Variants in TLL1 observed in about 807,000 individuals in gnomAD.
TLL1 encodes the protein tolloid-like protein 1.
In TLL1, 49 loss-of-function variants were observed where a neutral mutation model predicts 128.2. The observed-to-expected ratio is 0.38, with a 90% CI of 0.30 to 0.48. TLL1 has a LOEUF of 0.48. Among genes scored for constraint, TLL1 ranks in the 20% least tolerant of loss-of-function variants. The probability of loss-of-function intolerance (pLI) is 0.96; values close to 1 mark genes in which losing one functional copy is unlikely to be tolerated. For missense variants in TLL1, 1,123 were observed against 1,242.0 expected (o/e 0.90, Z 1.44); for synonymous variants, 454 against 418.8 (o/e 1.08, Z -1.03).
At chr4:165,936,475 G>A (rs1360411189) in intron 1 of TLL1, among the ~76,000 whole-genome samples, 1 of 151,386 alleles carries the variant, frequency 6.6e-6, no homozygotes, top group East Asian at 2.0e-4. Flanking sequence ...CCCTCCTAAA[G>A]TGCTAGGATT....
chr4:166,071,104 C>T (rs534973479), intron 16 of TLL1, among the ~76,000 whole-genome samples: 1 of 151,780 alleles, frequency 6.6e-6, no homozygotes, highest in African/African-American at 2.4e-5. Flanking sequence ...TATTTCAGAT[C>T]CTGAACATTT....
intron 1 of TLL1, among the ~76,000 whole-genome samples, chr4:165,921,693 C>A (rs907159132): frequency 2.0e-5 from 3 of 152,104 alleles, no homozygotes; most frequent in Non-Finnish European, 4.4e-5. Flanking sequence ...GGACCAGAAA[C>A]AGGAAAAGCA....
intron 18 of TLL1, among the ~76,000 whole-genome samples, chr4:166,089,981 A>T (rs7686750): frequency 4.0e-5 from 6 of 151,748 alleles, no homozygotes; most frequent in East Asian, 3.9e-4. Context: ...TAGACAGTGG[A>T]TTCACACTGA....
At chr4:165,909,505 T>A (rs1385680927) in intron 1 of TLL1, among the ~76,000 whole-genome samples, 4 of 152,200 alleles carry the variant, frequency 2.6e-5, no homozygotes, top group Admixed American at 1.3e-4. Context: ...GACTTAGGTC[T>A]GGGACATTTC....
chr4:165,963,290 G>T (rs1026879870), intron 1 of TLL1, among the ~76,000 whole-genome samples: 1 of 151,844 alleles, frequency 6.6e-6, no homozygotes, highest in Non-Finnish European at 1.5e-5. Flanking sequence ...TAACAAACCT[G>T]CACATGTACC....
At chr4:165,925,735 A>G (rs1733240280) in intron 1 of TLL1, among the ~76,000 whole-genome samples, 1 of 152,204 alleles carries the variant, frequency 6.6e-6, no homozygotes, top group South Asian at 2.1e-4. Context: ...ATACAGAGAA[A>G]TTCCTTGTGA....
At chr4:165,903,018 T>C (rs1732072541) in intron 1 of TLL1, among the ~76,000 whole-genome samples, 1 of 152,166 alleles carries the variant, frequency 6.6e-6, no homozygotes, top group South Asian at 2.1e-4. Flanking sequence ...AATTAATAAG[T>C]TCTGCTCATC....
At chr4:166,031,514 T>C (rs939553642) in intron 9 of TLL1, among the ~76,000 whole-genome samples, 1 of 151,968 alleles carries the variant, frequency 6.6e-6, no homozygotes, top group East Asian at 1.9e-4. Context: ...ATTACAGGCA[T>C]GCACCACCTC....
intron 1 of TLL1, among the ~76,000 whole-genome samples, chr4:165,914,022 C>CAA (rs113774671): frequency 0.059 from 8,315 of 140,560 alleles, 749 homozygotes; most frequent in African/African-American, 0.2. Context: ...ACCTTGTCTC[C>CAA]AAAAAAAAAA....
chr4:165,895,794 C>T (rs1731650792), intron 1 of TLL1, among the ~76,000 whole-genome samples: 1 of 151,944 alleles, frequency 6.6e-6, no homozygotes, highest in Non-Finnish European at 1.5e-5. Flanking sequence ...CTACAGTACT[C>T]AAGACAGGGC....
At chr4:166,052,965 G>GTGTATATATATATATATATAAA in intron 12 of TLL1, among the ~76,000 whole-genome samples, 2 of 99,648 alleles carry the variant, frequency 2.0e-5, no homozygotes, top group Non-Finnish European at 4.3e-5. Flanking sequence ...GAGGTTATGT[G>GTGTATATATATATATATATAAA]TATATATATA....
Position 166,045,204 on chromosome 4 carries a change from T to C in TLL1, c.1524+1785T>C, listed in dbSNP as rs1186276576. Among the ~76,000 whole-genome samples the C allele has an allele frequency of 2.0e-5, 3 of 152,240 alleles. No homozygotes were observed. In the East Asian group the frequency reaches 5.8e-4, roughly 29 times the overall value. On this transcript the variant is annotated intron_variant, in intron 12 of 20. Transcript: ENST00000061240. Reference sequence around the variant, plus strand: ...CTATCTTCATATTACTTTATTTCTATATGTTTCTGCCTCCCTCATTTATAT... The same window carrying C: ...CTATCTTCATATTACTTTATTTCTACATGTTTCTGCCTCCCTCATTTATAT...
In TLL1 at chr4:165,948,867, A is replaced by G. The variant is rs530311051; in HGVS notation, c.170-40514A>G. Among the ~76,000 whole-genome samples, 20 of 152,172 alleles carry G rather than the reference A, an allele frequency of 1.3e-4. 1 individual carries two copies. Among genetic ancestry groups the G allele is most frequent in the African/African-American group, 3.9e-4 (16 of 41,528 alleles). ...TATTTTGCATTTGGGAGGGGCTTGA[A>G]TCTTTGAGGGTTAGAGGGAAGACTG... On this transcript the variant is annotated intron_variant, in intron 1 of 20. Coordinates refer to ENST00000061240, the MANE Select transcript of TLL1 (RefSeq NM_012464.5).
At chr4:165,986,609 G>T (rs1045325906) in intron 1 of TLL1, among the ~76,000 whole-genome samples, 6 of 152,020 alleles carry the variant, frequency 3.9e-5, no homozygotes, top group African/African-American at 1.4e-4. Flanking sequence ...GAAGTTATTA[G>T]TTTAGAAAAT....
At position 165,903,733 on chromosome 4, in the gene TLL1, T is replaced by A. The variant is rs867686745; in HGVS notation, c.169+29660T>A. On this transcript the variant is annotated intron_variant, in intron 1 of 20. Transcript: ENST00000061240. ...GCAGAGGTTAGATCTTAAGTTCTTA[T>A]CACACACACACACACACACACACAC... Among the ~76,000 whole-genome samples, 1,154 of 144,886 alleles carry A rather than the reference T, an allele frequency of 8.0e-3. 17 individuals are homozygous for A. Among genetic ancestry groups the A allele is most frequent in the African/African-American group, 0.028 (1,076 of 38,774 alleles).
At chr4:165,920,168 A>G (rs1208040283) in intron 1 of TLL1, among the ~76,000 whole-genome samples, 2 of 152,202 alleles carry the variant, frequency 1.3e-5, no homozygotes, top group African/African-American at 4.8e-5. Flanking sequence ...TTTCAATTCC[A>G]TGAAAATACT....
chr4:165,920,747 G>A (rs1733007603), intron 1 of TLL1, among the ~76,000 whole-genome samples: 1 of 151,978 alleles, frequency 6.6e-6, no homozygotes, highest in Non-Finnish European at 1.5e-5. Flanking sequence ...TAAGTTATAT[G>A]GTAATGGTGT....
At chr4:165,956,823 A>G (rs1249130941) in intron 1 of TLL1, among the ~76,000 whole-genome samples, 1 of 152,088 alleles carries the variant, frequency 6.6e-6, no homozygotes, top group Non-Finnish European at 1.5e-5. Context: ...AATCTTCACA[A>G]TTTATGTTCC....
At chr4:166,066,651 G>A in intron 16 of TLL1, among the ~76,000 whole-genome samples, 1 of 151,732 alleles carries the variant, frequency 6.6e-6, no homozygotes, top group East Asian at 1.9e-4. Context: ...TGGTCCTCAT[G>A]TGTTTAAAAT....
Sources: gnomAD v4.1 joint callset for allele counts (sites outside exome capture counted in the v4.1 genomes callset) on GRCh38, gnomAD v4.1.1 for gene constraint, MANE v1.5 for transcripts, NCBI Gene and HGNC (gene_info 2026-07-23, HGNC 2026-07-21) for gene names.